Variants in OLFM2 observed in about 807,000 individuals in gnomAD.
The protein encoded by OLFM2 is noelin-2.
In OLFM2, 20 loss-of-function variants were observed where a neutral mutation model predicts 43.9. The observed-to-expected ratio is 0.46, with a 90% confidence interval of 0.32 to 0.66. The LOEUF (loss-of-function observed/expected upper bound fraction) is 0.66. OLFM2 is among the 30% of genes least tolerant of loss of function. OLFM2 has a pLI of 0.04. For synonymous variants in OLFM2, 268 were observed against 278.6 expected (o/e 0.96, Z 0.38); for missense variants, 416 against 643.6 (o/e 0.65, Z 3.83).
rs370034289 is a variant in OLFM2, at chr19:9,860,675, C to T, written c.183G>A (p.Arg61=). The T allele has an allele frequency of 4.4e-6, 7 of 1,596,592 alleles. No individual in the cohort carries two copies. Among genetic ancestry groups the T allele is most frequent in the Non-Finnish European group, 6.0e-6 (7 of 1,171,264 alleles). ...PAQSTCSRDG[R]SRELRQLMEK... Reference sequence around the variant, plus strand: ...CCATCAGTTGCCGCAGCTCCCGACTCCTGCCATCTCGAGAGCAGGTACTCT... The same window carrying T: ...CCATCAGTTGCCGCAGCTCCCGACTTCTGCCATCTCGAGAGCAGGTACTCT... Residue 61 remains arginine, a synonymous_variant, in exon 2 of 6, where the codon AGG becomes AGA. Transcript: ENST00000264833.
At chr19:9,918,845 G>A (rs1370210880) in intron 1 of OLFM2, among the ~76,000 whole-genome samples, 2 of 152,174 alleles carry the variant, frequency 1.3e-5, no homozygotes, top group African/African-American at 2.4e-5. Flanking sequence ...GTAGACGAGA[G>A]ATTGCCTGCA....
intron 1 of OLFM2, among the ~76,000 whole-genome samples, chr19:9,919,084 C>T (rs2145000497): frequency 6.6e-6 from 1 of 152,310 alleles, no homozygotes; most frequent in East Asian, 1.9e-4. Flanking sequence ...CGCCTGTAAT[C>T]CCAGCACCTT....
chr19:9,863,416 C>G (rs745428947), intron 1 of OLFM2, among the ~76,000 whole-genome samples: 29 of 151,680 alleles, frequency 1.9e-4, no homozygotes, highest in South Asian at 6.2e-4. Flanking sequence ...CTCTAGGGAA[C>G]GAGGGAGGGA....
intron 1 of OLFM2, among the ~76,000 whole-genome samples, chr19:9,885,274 G>A (rs534673115): frequency 1.3e-5 from 2 of 152,282 alleles, no homozygotes; most frequent in South Asian, 2.1e-4. Flanking sequence ...CTGAGTCTCC[G>A]GCAGTTAATG....
chr19:9,894,675 C>G (rs997488761), intron 1 of OLFM2, among the ~76,000 whole-genome samples: 4 of 152,032 alleles, frequency 2.6e-5, no homozygotes, highest in Admixed American at 2.6e-4. Flanking sequence ...CACCATTGCA[C>G]TCCAGCCTGG....
chr19:9,884,540 G>A (rs2046569490), intron 1 of OLFM2, among the ~76,000 whole-genome samples: 1 of 152,134 alleles, frequency 6.6e-6, no homozygotes, highest in African/African-American at 2.4e-5. Flanking sequence ...TTGTGCCAGT[G>A]CACTCCAGCC....
intron 1 of OLFM2, among the ~76,000 whole-genome samples, chr19:9,919,585 G>C (rs2086407213): frequency 1.3e-5 from 2 of 151,866 alleles, no homozygotes; most frequent in South Asian, 4.2e-4. Flanking sequence ...GGGTTCAAGT[G>C]ATTCCCTTAC....
Position 9,873,796 on chromosome 19 carries a change from A to AT in OLFM2, c.64-13003dup, listed in dbSNP as rs71188848. On this transcript the variant is annotated intron_variant, in intron 1 of 5. Coordinates refer to ENST00000264833, the MANE Select transcript of OLFM2 (RefSeq NM_058164.4). The stretch of plus-strand genomic sequence containing the variant: ...CGATGTACACTATCATGCCCAGCTA[A>AT]TTTTTTTTTTTTTTTTTTTTTTTTT... Among the ~76,000 whole-genome samples the AT allele has an allele frequency of 3.4e-4, 24 of 70,478 alleles. 1 individual carries two copies. In the East Asian group the frequency reaches 0.011, roughly 33 times the overall value. 46.2% of individuals were successfully genotyped at this position (70,478 alleles called of 152,430 possible).
intron 1 of OLFM2, among the ~76,000 whole-genome samples, chr19:9,916,386 A>G (rs533419018): frequency 6.6e-6 from 1 of 152,190 alleles, no homozygotes; most frequent in Non-Finnish European, 1.5e-5. Flanking sequence ...AGTTCTTGCC[A>G]GCTTGTTCTA....
intron 1 of OLFM2, among the ~76,000 whole-genome samples, chr19:9,927,035 G>C (rs749208888): frequency 1.2e-3 from 184 of 151,976 alleles, no homozygotes; most frequent in Non-Finnish European, 1.1e-3. Context: ...TGTAATCCCA[G>C]CACTTTAGGA....
At position 9,854,103 on chromosome 19, in the gene OLFM2, A is replaced by G. The variant is rs1360207945; in HGVS notation, c.*83T>C. ...AGGGCGTGACAGAGACAGAGAGATC[A>G]CCCTTGAGGGACACAGGCAGAATGA... On this transcript the variant is annotated 3_prime_UTR_variant, in exon 6 of 6. Transcript: ENST00000264833. The surrounding 1 kb of genome is among the most constrained non-coding windows in gnomAD (Gnocchi z 9.5). 3 of 1,251,884 alleles carry G rather than the reference A, an allele frequency of 2.4e-6. No individual in the cohort carries two copies. The highest frequency in any genetic ancestry group is 3.4e-6 in the Non-Finnish European group (3 of 870,590). The allele number at this position is 1,251,884 out of a possible 1,614,324, so 77.5% of individuals were successfully genotyped here. A position where few individuals can be genotyped will look rare whatever the true frequency, so the allele number is the denominator to read the frequency against.
chr19:9,898,717 C>T (rs2144973485), intron 1 of OLFM2, among the ~76,000 whole-genome samples: 1 of 152,182 alleles, frequency 6.6e-6, no homozygotes, highest in Non-Finnish European at 1.5e-5. Flanking sequence ...CTCCAGCCAC[C>T]ACGCCATTTC....
At chr19:9,892,922 TG>T (rs963387121) in intron 1 of OLFM2, among the ~76,000 whole-genome samples, 1 of 152,210 alleles carries the variant, frequency 6.6e-6, no homozygotes. Context: ...GGTTCAGCCC[TG>T]GTCCATCTCA....
intron 2 of OLFM2, among the ~76,000 whole-genome samples, chr19:9,859,578 C>A (rs535334776): frequency 1.0e-3 from 158 of 152,326 alleles, no homozygotes; most frequent in African/African-American, 3.7e-3. Context: ...CAGGCGTGAG[C>A]TACCACGCCC....
At chr19:9,907,803 A>G (rs984398901) in intron 1 of OLFM2, among the ~76,000 whole-genome samples, 14 of 152,080 alleles carry the variant, frequency 9.2e-5, no homozygotes, top group Non-Finnish European at 1.9e-4. Flanking sequence ...CGGGAGTTGG[A>G]GACCAGCCTG....
chr19:9,913,459 G>GC (rs757566898), intron 1 of OLFM2: 10 of 1,046,578 alleles, frequency 9.6e-6, no homozygotes, highest in East Asian at 6.8e-5. Flanking sequence ...CCCCGGGAGC[G>GC]CCCCCCGCGC....
intron 1 of OLFM2, among the ~76,000 whole-genome samples, chr19:9,879,571 C>T (rs2046522493): frequency 6.6e-6 from 1 of 152,130 alleles, no homozygotes; most frequent in Admixed American, 6.6e-5. Flanking sequence ...GCTATGGTTC[C>T]TGTACAGCCT....
intron 1 of OLFM2, among the ~76,000 whole-genome samples, chr19:9,905,109 C>A (rs7256846): frequency 0.45 from 68,637 of 151,470 alleles, 15,777 homozygotes; most frequent in Admixed American, 0.57. Context: ...ACTGCCTGAG[C>A]TCAGGAGTTC....
intron 1 of OLFM2, among the ~76,000 whole-genome samples, chr19:9,924,675 G>A (rs1471424160): frequency 6.6e-6 from 1 of 151,906 alleles, no homozygotes; most frequent in Non-Finnish European, 1.5e-5. Flanking sequence ...TTAGTGCCAA[G>A]CTTTTCATAT....
Sources: allele counts gnomAD v4.1 joint callset (sites outside exome capture counted in the v4.1 genomes callset), GRCh38; gene constraint gnomAD v4.1.1; non-coding constraint Gnocchi (gnomAD v3.1); transcripts MANE v1.5; gene names NCBI Gene and HGNC (gene_info 2026-07-23, HGNC 2026-07-21).